The following MATCAP2 variants were observed in gnomAD, a reference collection of about 807,000 sequenced individuals.
The protein encoded by MATCAP2 is putative tyrosine carboxypeptidase MATCAP2.
the MATCAP2 span, among the ~76,000 whole-genome samples, chr7:36,382,239 G>A: frequency 8.0e-5 from 12 of 149,940 alleles, no homozygotes; most frequent in South Asian, 6.3e-4. Context: ...CCTGGAAGGC[G>A]GAGGTTGCAG....
chr7:36,343,560 AAGGGAG>A, the MATCAP2 span, among the ~76,000 whole-genome samples: 84 of 29,942 alleles, frequency 2.8e-3, 2 homozygotes, highest in African/African-American at 0.01. Context: ...GAGGGAAGGG[AAGGGAG>A]AGGGAGAGGG....
At chr7:36,335,329 C>A in the MATCAP2 span, 6 of 751,228 alleles carry the variant, frequency 8.0e-6, no homozygotes, top group Non-Finnish European at 8.8e-6. Context: ...GAATGTGCAG[C>A]CAAACCACCT....
At chr7:36,380,057 G>T in the MATCAP2 span, among the ~76,000 whole-genome samples, 109 of 152,218 alleles carry the variant, frequency 7.2e-4, no homozygotes, top group African/African-American at 2.5e-3. Flanking sequence ...TACTGAGGTG[G>T]ATGATGACCT....
the MATCAP2 span, among the ~76,000 whole-genome samples, chr7:36,328,001 C>A: frequency 6.6e-6 from 1 of 152,044 alleles, no homozygotes; most frequent in Non-Finnish European, 1.5e-5. Context: ...ATTTAAGAAG[C>A]TAGTCTCTCA....
the MATCAP2 span, among the ~76,000 whole-genome samples, chr7:36,342,413 C>T: frequency 3.9e-5 from 6 of 152,086 alleles, no homozygotes; most frequent in Non-Finnish European, 8.8e-5. Context: ...ACTCTTTCAT[C>T]TTTGTTCTCA....
chr7:36,344,427 T>C, the MATCAP2 span, among the ~76,000 whole-genome samples: 1 of 152,204 alleles, frequency 6.6e-6, no homozygotes, highest in Non-Finnish European at 1.5e-5. Flanking sequence ...TCATTAAGCA[T>C]GGGAAAAGAA....
chr7:36,352,918 T>C, the MATCAP2 span, among the ~76,000 whole-genome samples: 1 of 152,152 alleles, frequency 6.6e-6, no homozygotes, highest in Non-Finnish European at 1.5e-5. Context: ...TATGGTGTTC[T>C]GGCTTTTCCT....
the MATCAP2 span, among the ~76,000 whole-genome samples, chr7:36,376,145 T>C: frequency 6.6e-6 from 1 of 152,218 alleles, no homozygotes; most frequent in Non-Finnish European, 1.5e-5. Flanking sequence ...TTTGAATTTG[T>C]TTGCTCTTGC....
chr7:36,333,590 T>TAACA, the MATCAP2 span, among the ~76,000 whole-genome samples: 1 of 152,130 alleles, frequency 6.6e-6, no homozygotes, highest in Non-Finnish European at 1.5e-5. Flanking sequence ...AAAGAAATGT[T>TAACA]AACAATAAGT....
the MATCAP2 span, among the ~76,000 whole-genome samples, chr7:36,377,120 T>C: frequency 1.3e-5 from 2 of 152,184 alleles, no homozygotes; most frequent in African/African-American, 4.8e-5. Context: ...AATATTGTTA[T>C]GTGTGAATTT....
At chr7:36,355,884 T>C in the MATCAP2 span, 2 of 152,232 alleles carry the variant, frequency 1.3e-5, no homozygotes, top group African/African-American at 2.4e-5. Context: ...AGCTAATTTC[T>C]TCTCAAATGC....
At chr7:36,360,744 G>T in the MATCAP2 span, among the ~76,000 whole-genome samples, 3 of 152,092 alleles carry the variant, frequency 2.0e-5, no homozygotes, top group African/African-American at 7.2e-5. Context: ...TTTGAACATG[G>T]TTAAGAACAC....
the MATCAP2 span, among the ~76,000 whole-genome samples, chr7:36,379,780 G>A: frequency 2.1e-5 from 3 of 142,016 alleles, no homozygotes; most frequent in Admixed American, 7.2e-5. Context: ...GTTACTATAC[G>A]AATACTGGAG....
the MATCAP2 span, chr7:36,357,413 T>C: frequency 6.2e-7 from 1 of 1,613,952 alleles, no homozygotes; most frequent in South Asian, 1.1e-5. Context: ...TGAATGATAC[T>C]TTTTTTCCTC....
chr7:36,330,665 G>A, the MATCAP2 span, among the ~76,000 whole-genome samples: 2 of 152,086 alleles, frequency 1.3e-5, no homozygotes, highest in African/African-American at 4.8e-5. Context: ...GTTCTTTGGA[G>A]ATATTATGGG....
the MATCAP2 span, among the ~76,000 whole-genome samples, chr7:36,359,389 T>C: frequency 2.0e-5 from 3 of 152,216 alleles, no homozygotes; most frequent in Admixed American, 6.5e-5. Context: ...CTTATCTAAA[T>C]GTTAGTTTTT....
the MATCAP2 span, among the ~76,000 whole-genome samples, chr7:36,342,635 T>C: frequency 6.6e-6 from 1 of 152,034 alleles, no homozygotes; most frequent in South Asian, 2.1e-4. Context: ...ATTTTTTTGT[T>C]TGTTTTGGAA....
the MATCAP2 span, among the ~76,000 whole-genome samples, chr7:36,364,288 G>C: frequency 5.3e-5 from 8 of 151,858 alleles, no homozygotes; most frequent in Non-Finnish European, 1.2e-4. Flanking sequence ...AGGTTTTGCC[G>C]TGTTGCCCAG....
At chr7:36,366,753 C>G in the MATCAP2 span, 34 of 1,535,136 alleles carry the variant, frequency 2.2e-5, no homozygotes, top group South Asian at 2.7e-4. Context: ...CTTCCCTCCA[C>G]AGGTTTTTCG....
Sources: allele counts gnomAD v4.1 joint callset (sites outside exome capture counted in the v4.1 genomes callset), GRCh38; gene constraint gnomAD v4.1.1; transcripts MANE v1.5; gene names NCBI Gene and HGNC (gene_info 2026-07-23, HGNC 2026-07-21).